The following TNXB variants were observed in gnomAD, a reference collection of about 807,000 sequenced individuals.
TNXB encodes the protein tenascin XB.
A neutral mutation model predicts 340.5 loss-of-function variants in TNXB; 183 were observed. The ratio of observed to expected loss-of-function variants is 0.54; its 90% CI spans 0.48 to 0.61. The LOEUF (loss-of-function observed/expected upper bound fraction) is 0.61, where lower values mean the gene tolerates loss of function less well. Among genes scored for constraint, TNXB ranks in the 20% least tolerant of loss-of-function variants. The pLI is 0.00. For synonymous variants in TNXB, 2,121 were observed against 2,314.5 expected, an observed-to-expected ratio of 0.92 and a Z score of 2.40; for missense variants, 4,613 against 5,446.4, an observed-to-expected ratio of 0.85 and a Z score of 4.82.
In TNXB at chr6:32,098,217, A is replaced by G; in HGVS notation, c.-8-11T>C. 1 of 1,487,126 alleles carries G rather than the reference A, an allele frequency of 6.7e-7. No individual in the cohort carries two copies. The highest frequency in any genetic ancestry group is 2.2e-5 in the Admixed American group (1 of 44,964). 92.1% of individuals were successfully genotyped at this position (1,487,126 alleles called of 1,614,324 possible). Reference sequence around the variant, plus strand: ...GCATCATTCAGGAGGCTGCAGGGAGAAAGGGTAGGTATGAGAGCAGCTTCA... The same window carrying G: ...GCATCATTCAGGAGGCTGCAGGGAGGAAGGGTAGGTATGAGAGCAGCTTCA... On this transcript the variant is annotated splice_polypyrimidine_tract_variant and intron_variant, in intron 1 of 43. Transcript: ENST00000644971.
Position 32,108,328 on chromosome 6 carries a change from C to T in TNXB, c.-9+853G>A, listed in dbSNP as rs866255829. ...GAGATAAGGGGCCCGCCCTTCCCAC[C>T]CGGGGCGTGTCACGTGTACTGGTGG... On this transcript the variant is annotated intron_variant, in intron 1 of 43. Transcript: ENST00000644971. The surrounding 1 kb of genome is among the most constrained non-coding windows in gnomAD (Gnocchi z 4.8). Among the ~76,000 whole-genome samples the T allele has an allele frequency of 1.8e-4, 28 of 152,166 alleles. 1 individual carries two copies. The highest frequency in any genetic ancestry group is 6.5e-4 in the Admixed American group (10 of 15,274).
At position 32,089,207 on chromosome 6, in the gene TNXB, C is replaced by T. The variant is rs1779965790; in HGVS notation, c.2515+16G>A. ...TCTCCACTCAGGACACCCCTCCCCACAGCCCCAGCTCTCACTGGTGGTGAT... is the reference window on the plus strand; with the variant it reads ...TCTCCACTCAGGACACCCCTCCCCATAGCCCCAGCTCTCACTGGTGGTGAT... On this transcript the variant is annotated intron_variant, in intron 5 of 43. Coordinates refer to ENST00000644971, the MANE Select transcript of TNXB (RefSeq NM_001365276.2). The surrounding 1 kb of genome is among the most constrained non-coding windows in gnomAD (Gnocchi z 6.2). The T allele has an allele frequency of 6.3e-7, 1 of 1,586,554 alleles. No homozygotes were observed. The highest frequency in any genetic ancestry group is 1.3e-5 in the African/African-American group (1 of 74,604).
rs1452570198 is a variant in TNXB at position 32,046,337 on chromosome 6, G to T, written c.10444C>A (p.Gln3482Lys). ...AQGPFDSFVV[Q>K]YRDTDGQPRA... ...GGCTGCCCGTCCGTGTCCCTGTACT[G>T]GACCACGAAGGAGTCAAAGGGGCCC... is the stretch of plus-strand genomic sequence containing the variant. The change falls in exon 31 of 44, where the codon CAG becomes AAG. Residue 3482 changes from glutamine to lysine, a missense_variant. By Grantham distance (53) the Gln-to-Lys change is moderately conservative (BLOSUM62 1). Around this residue, in one of 7 missense-constraint regions of TNXB, gnomAD observed 4,327 missense variants for 4,859.4 expected, o/e 0.89. Transcript: ENST00000644971. The surrounding 1 kb of genome is among the most constrained non-coding windows in gnomAD (Gnocchi z 6.9). The T allele has an allele frequency of 6.2e-7, 1 of 1,605,652 alleles. No individual in the cohort carries two copies. The highest frequency in any genetic ancestry group is 1.1e-5 in the South Asian group (1 of 89,592).
chr6:32,069,938 G>T lies in TNXB; in HGVS notation c.5279-77C>A. Reference sequence around the variant, plus strand: ...GTGACCTCGACGGGCAGGATTGAGAGGTCTGGAGACAGGGCTTTGCGTGGC... The same window carrying T: ...GTGACCTCGACGGGCAGGATTGAGATGTCTGGAGACAGGGCTTTGCGTGGC... On this transcript the variant is annotated intron_variant, in intron 14 of 43. Coordinates refer to ENST00000644971, the MANE Select transcript of TNXB (RefSeq NM_001365276.2). This position sits in a 1 kb window ranked among gnomAD's most constrained non-coding sequence, Gnocchi z 6.2. 1 of 1,452,180 alleles carries T rather than the reference G, an allele frequency of 6.9e-7. No homozygotes were observed. 90.0% of individuals were successfully genotyped at this position (1,452,180 alleles called of 1,614,324 possible).
intron 1 of TNXB, among the ~76,000 whole-genome samples, chr6:32,100,969 A>T (rs1481847046): frequency 1.3e-5 from 2 of 149,020 alleles, no homozygotes; most frequent in Non-Finnish European, 3.0e-5. Context: ...AGTCCCAGCT[A>T]CTCGGGAGGC....
chr6:32,102,894 TGG>T (rs900472979), intron 1 of TNXB, among the ~76,000 whole-genome samples: 6 of 151,950 alleles, frequency 3.9e-5, no homozygotes, highest in African/African-American at 1.5e-4. Context: ...CACTCCAGCC[TGG>T]CAACAGATCA....
rs1319044865 is a variant in TNXB at position 32,047,000 on chromosome 6, G to A, written c.10325-544C>T. Among the ~76,000 whole-genome samples the A allele has an allele frequency of 1.3e-5, 2 of 152,244 alleles. No individual in the cohort carries two copies. The highest frequency in any genetic ancestry group is 6.5e-5 in the Admixed American group (1 of 15,290). On this transcript the variant is annotated intron_variant, in intron 30 of 43. Transcript: ENST00000644971. The surrounding 1 kb of genome is among the most constrained non-coding windows in gnomAD (Gnocchi z 6.9). ...TCCCCAGCCCCACACTGACCCCACT[G>A]GGCCGGGGCAGCCAGGGTGGGGCAG...
At chr6:32,092,861 A>T (rs1780143300) in intron 4 of TNXB, among the ~76,000 whole-genome samples, 1 of 152,204 alleles carries the variant, frequency 6.6e-6, no homozygotes, top group South Asian at 2.1e-4. Context: ...TGTTTTCCAC[A>T]CCCAGGCTCA....
intron 35 of TNXB, 74 bp from the exon 36 acceptor site, chr6:32,043,630 C>T: frequency 1.4e-6 from 2 of 1,442,210 alleles, no homozygotes; most frequent in South Asian, 1.1e-5. Flanking sequence ...CTCCACTGGC[C>T]TCCCGTCCGC....
In TNXB at chr6:32,073,742, A is replaced by T; in HGVS notation, c.4586T>A (p.Val1529Asp). 2 of 1,612,016 alleles carry T rather than the reference A, an allele frequency of 1.2e-6. No homozygotes were observed. The highest frequency in any genetic ancestry group is 1.7e-6 in the Non-Finnish European group (2 of 1,179,430). ...TTTTCTCTCAGGCTCCAGGTTGTAG[A>T]CTGTGACCTCTCGCTGGTCTGCCGC... is the stretch of plus-strand genomic sequence containing the variant. Reference protein sequence around the residue: ...PVAADQREVTVYNLEPERKYK... With the variant: ...PVAADQREVTDYNLEPERKYK... Residue 1529 changes from valine (V) to aspartate (D), a missense_variant, in exon 12 of 44, where the codon GTC (valine) becomes GAC (aspartate). Transcript: ENST00000644971. The surrounding 1 kb of genome is among the most constrained non-coding windows in gnomAD (Gnocchi z 4.6).
rs374799017 is a variant in TNXB at position 32,069,035 on chromosome 6, G to A, written c.5689C>T (p.Leu1897=). ...TCAGTCACCATCCAGGAGAGATGCAGGGTGTGTGACGTGGCCTCCTCCACT... is the reference window on the plus strand; with the variant it reads ...TCAGTCACCATCCAGGAGAGATGCAAGGTGTGTGACGTGGCCTCCTCCACT... ...LTVEEATSHT[L]HLSWMVTEGE... is the part of the protein sequence containing the mutation. Residue 1897 remains leucine (L), a synonymous_variant, in exon 16 of 44, where the codon CTG becomes TTG. Transcript: ENST00000644971. This position sits in a 1 kb window ranked among gnomAD's most constrained non-coding sequence, Gnocchi z 6.2. The A allele has an allele frequency of 8.1e-6, 13 of 1,612,764 alleles. No individual in the cohort carries two copies. The African/African-American group carries it at 1.7e-4, about 22-fold the overall frequency.
Position 32,048,239 on chromosome 6 carries a change from T to C in TNXB, c.10045+124A>G, listed in dbSNP as rs545929573. On this transcript the variant is annotated intron_variant, in intron 29 of 43. Coordinates refer to ENST00000644971, the MANE Select transcript of TNXB (RefSeq NM_001365276.2). The stretch of plus-strand genomic sequence containing the variant: ...GAGAGGAGAGCTCAGGGCCTGGGTT[T>C]TCCTGGACCCAATAAATCAGTGGGT... 29 of 1,184,324 alleles carry C rather than the reference T, an allele frequency of 2.4e-5. No homozygotes were observed. The East Asian group carries it at 7.4e-4, about 30-fold the overall frequency. 73.4% of individuals were successfully genotyped at this position (1,184,324 alleles called of 1,614,324 possible). A position where few individuals can be genotyped will look rare whatever the true frequency, so the allele number is the denominator to read the frequency against.
rs1778049258 is a variant in TNXB at position 32,062,021 on chromosome 6, A to G, written c.7168+136T>C. The G allele has an allele frequency of 9.9e-6, 12 of 1,210,936 alleles. No individual in the cohort carries two copies. The highest frequency in any genetic ancestry group is 1.4e-5 in the Non-Finnish European group (12 of 879,732). The allele number at this position is 1,210,936 out of a possible 1,614,324, so 75.0% of individuals were successfully genotyped here. ...GGGGTCAACCACACAAAAAGGTACAATGGGAGCCCCAGCCCCAGCCACAAG... is the reference window on the plus strand; with the variant it reads ...GGGGTCAACCACACAAAAAGGTACAGTGGGAGCCCCAGCCCCAGCCACAAG... On this transcript the variant is annotated intron_variant, in intron 20 of 43. Transcript: ENST00000644971. This position sits in a 1 kb window ranked among gnomAD's most constrained non-coding sequence, Gnocchi z 4.3.
At position 32,046,320 on chromosome 6, in the gene TNXB, G is replaced by A. The variant is rs530102674; in HGVS notation, c.10461C>T (p.Asp3487=). The A allele has an allele frequency of 1.7e-5, 28 of 1,606,742 alleles. No individual in the cohort carries two copies. The highest frequency in any genetic ancestry group is 1.5e-4 in the African/African-American group (11 of 75,024). ...DSFVVQYRDT[D]GQPRAVPVAA... ...CCACAGGCACTGCCCTGGGCTGCCC[G>A]TCCGTGTCCCTGTACTGGACCACGA... is the stretch of plus-strand genomic sequence containing the variant. Residue 3487 remains aspartate, a synonymous_variant, in exon 31 of 44, where the codon GAC becomes GAT. Coordinates refer to ENST00000644971, the MANE Select transcript of TNXB (RefSeq NM_001365276.2). The surrounding 1 kb of genome is among the most constrained non-coding windows in gnomAD (Gnocchi z 6.9).
At chr6:32,101,462 T>C (rs141055818) in intron 1 of TNXB, among the ~76,000 whole-genome samples, 82 of 151,932 alleles carry the variant, frequency 5.4e-4, no homozygotes, top group Middle Eastern at 3.4e-3. Context: ...CTCATTTTTT[T>C]GTATTTTTAG....
intron 11 of TNXB, 94 bp downstream of exon 11, chr6:32,078,938 CA>C (rs1779268046): frequency 4.4e-6 from 6 of 1,356,616 alleles, no homozygotes; most frequent in Non-Finnish European, 6.0e-6. Flanking sequence ...CAGGCAGCCT[CA>C]AGGTTCCACT....
chr6:32,106,324 G>A (rs1237058117), intron 1 of TNXB, among the ~76,000 whole-genome samples: 6 of 152,038 alleles, frequency 3.9e-5, no homozygotes, highest in Non-Finnish European at 5.9e-5. Context: ...CTGAGTGTGA[G>A]GGGGCCAGTC....
intron 22 of TNXB, 77 bp downstream of exon 22, chr6:32,057,981 T>C: frequency 6.8e-7 from 1 of 1,475,310 alleles, no homozygotes; most frequent in Non-Finnish European, 9.1e-7. Flanking sequence ...AAGACAGAAA[T>C]ATGTATAGGA....
rs1412040964 is a variant in TNXB at position 32,080,925 on chromosome 6, C to G, written c.4042+443G>C. The stretch of plus-strand genomic sequence containing the variant: ...AACGTGGTGCTCTTGTCACTTGGAT[C>G]TGCCACCTCTGAACACAGCAGAAAT... On this transcript the variant is annotated intron_variant, in intron 10 of 43. Coordinates refer to ENST00000644971, the MANE Select transcript of TNXB (RefSeq NM_001365276.2). The surrounding 1 kb of genome is among the most constrained non-coding windows in gnomAD (Gnocchi z 4.3). 6.6e-6 allele frequency among the ~76,000 whole-genome samples: 1 copy of G among 152,206 alleles called. No homozygotes were observed.
Sources: gnomAD v4.1 joint callset for allele counts (sites outside exome capture counted in the v4.1 genomes callset) on GRCh38, gnomAD v4.1.1 for gene constraint, gnomAD v4.1.1 regional missense constraint, Gnocchi (gnomAD v3.1) non-coding constraint, MANE v1.5 for transcripts, NCBI Gene and HGNC (gene_info 2026-07-23, HGNC 2026-07-21) for gene names.